Variants in PIK3CB observed in about 807,000 individuals in gnomAD.
PIK3CB encodes the protein phosphatidylinositol-4,5-bisphosphate 3-kinase catalytic subunit beta, also known as phosphatidylinositol 4,5-bisphosphate 3-kinase catalytic subunit beta isoform.
A neutral mutation model predicts 136.8 loss-of-function variants in PIK3CB; 39 were observed. That is an observed-to-expected ratio of 0.29 (90% confidence interval 0.22 to 0.37). The LOEUF (loss-of-function observed/expected upper bound fraction) is 0.37, where lower values mean the gene tolerates loss of function less well. Ranked by LOEUF, PIK3CB falls within the 10% of genes least tolerant of loss-of-function variation. The probability of loss-of-function intolerance (pLI) is 1.00; values close to 1 mark genes in which losing one functional copy is unlikely to be tolerated. For synonymous variants in PIK3CB, 428 were observed against 436.6 expected, an observed-to-expected ratio of 0.98 and a Z score of 0.25; for missense variants, 868 against 1,275.4, an observed-to-expected ratio of 0.68 and a Z score of 4.87.
rs540985326 is a variant in PIK3CB, at chr3:138,787,992, G to A, written c.-17+8471C>T. Reference sequence around the variant, plus strand: ...GGCTGGAGTATAGTGGTATGACCTCGGTTCAGTACAACTTCCGCCTCCCAG... The same window carrying A: ...GGCTGGAGTATAGTGGTATGACCTCAGTTCAGTACAACTTCCGCCTCCCAG... On this transcript the variant is annotated intron_variant, in intron 2 of 23. Transcript: ENST00000674063. Among the ~76,000 whole-genome samples, 12 of 150,196 alleles carry A rather than the reference G, an allele frequency of 8.0e-5. No individual in the cohort carries two copies. The East Asian group carries it at 1.6e-3, about 20-fold the overall frequency.
chr3:138,663,308 TC>T (rs1428180404), intron 21 of PIK3CB, among the ~76,000 whole-genome samples: 3 of 152,216 alleles, frequency 2.0e-5, no homozygotes, highest in Admixed American at 2.0e-4. Flanking sequence ...ATCCGCTCCT[TC>T]TGTTAGGTAC....
chr3:138,659,742 G>A (rs2043256149), intron 21 of PIK3CB, among the ~76,000 whole-genome samples: 1 of 151,748 alleles, frequency 6.6e-6, no homozygotes, highest in Non-Finnish European at 1.5e-5. Context: ...CAGGTACTTA[G>A]TAAGGGTGTT....
chr3:138,658,390 C>CA (rs2043228267), intron 21 of PIK3CB, among the ~76,000 whole-genome samples: 1 of 152,056 alleles, frequency 6.6e-6, no homozygotes, highest in East Asian at 1.9e-4. Context: ...GTCGAGGCTG[C>CA]AATGGGCCAT....
chr3:138,785,825 TAAA>T (rs1039124528), intron 2 of PIK3CB, among the ~76,000 whole-genome samples: 2 of 117,164 alleles, frequency 1.7e-5, no homozygotes, highest in Non-Finnish European at 1.8e-5. Context: ...AATAAATACT[TAAA>T]AAAAAAAAAA....
At chr3:138,708,749 A>G (rs1242144497) in intron 10 of PIK3CB, among the ~76,000 whole-genome samples, 1 of 151,954 alleles carries the variant, frequency 6.6e-6, no homozygotes. Flanking sequence ...ACCTGGCTCA[A>G]TTCTAATAAT....
chr3:138,683,351 C>CAA (rs1011302197), intron 18 of PIK3CB, among the ~76,000 whole-genome samples: 209 of 65,154 alleles, frequency 3.2e-3, no homozygotes, highest in African/African-American at 9.5e-3. Flanking sequence ...GACCCTGTCT[C>CAA]AAAAAAAAAA....
At chr3:138,767,220 C>T (rs1398968121) in intron 2 of PIK3CB, among the ~76,000 whole-genome samples, 1 of 152,090 alleles carries the variant, frequency 6.6e-6, no homozygotes, top group Non-Finnish European at 1.5e-5. Context: ...TTTTCAAATA[C>T]ATAGATATCT....
At chr3:138,710,326 T>C (rs1388487661) in intron 10 of PIK3CB, among the ~76,000 whole-genome samples, 1 of 152,110 alleles carries the variant, frequency 6.6e-6, no homozygotes, top group Non-Finnish European at 1.5e-5. Context: ...CACTATTAGA[T>C]TGCAAAGAGT....
chr3:138,826,173 T>C, intron 1 of PIK3CB: 1 of 1,122,968 alleles, frequency 8.9e-7, no homozygotes, highest in East Asian at 2.4e-5. Flanking sequence ...CAAGCCGATG[T>C]ATGTTGAGAG....
chr3:138,776,908 G>T (rs1306833007), intron 2 of PIK3CB, among the ~76,000 whole-genome samples: 1 of 127,070 alleles, frequency 7.9e-6, no homozygotes, highest in African/African-American at 3.3e-5. Flanking sequence ...TGGTGACAGA[G>T]TGAGACTCTA....
At chr3:138,807,397 G>A (rs137893384) in intron 1 of PIK3CB, among the ~76,000 whole-genome samples, 83 of 152,218 alleles carry the variant, frequency 5.5e-4, no homozygotes, top group African/African-American at 1.8e-3. Context: ...TTGTGCCACT[G>A]CACTCCAGCA....
intron 2 of PIK3CB, chr3:138,778,663 G>A (rs2045887913): frequency 4.9e-6 from 1 of 206,174 alleles, no homozygotes. Flanking sequence ...GGTTGTCTCT[G>A]CCAACTAACA....
At chr3:138,682,600 G>A (rs1378631726) in intron 18 of PIK3CB, among the ~76,000 whole-genome samples, 1 of 152,168 alleles carries the variant, frequency 6.6e-6, no homozygotes, top group East Asian at 1.9e-4. Flanking sequence ...GTAAGTAACT[G>A]CATCACGAGG....
chr3:138,753,059 C>CA (rs533473230), intron 4 of PIK3CB, among the ~76,000 whole-genome samples: 22 of 149,978 alleles, frequency 1.5e-4, no homozygotes, highest in Admixed American at 6.0e-4. Context: ...TCCATCTCTA[C>CA]AAAAAAAAAG....
intron 1 of PIK3CB, among the ~76,000 whole-genome samples, chr3:138,817,741 C>G (rs1933397470): frequency 6.6e-6 from 1 of 152,040 alleles, no homozygotes; most frequent in African/African-American, 2.4e-5. Context: ...AGCACTGGGC[C>G]AGAATGTATA....
rs1448170835 is a variant in PIK3CB, at chr3:138,779,279, G to T, written c.-17+17184C>A. ...TTTTTTGTATTTTTAGTAGAGACAG[G>T]GTTTCACCGTGTTAGCCAGGATGGT... On this transcript the variant is annotated intron_variant, in intron 2 of 23. Coordinates refer to ENST00000674063, the MANE Select transcript of PIK3CB (RefSeq NM_006219.3). Among the ~76,000 whole-genome samples, 28 of 151,364 alleles carry T rather than the reference G, an allele frequency of 1.8e-4. 1 individual carries two copies. Among genetic ancestry groups the T allele is most frequent in the African/African-American group, 5.8e-4 (24 of 41,290 alleles).
chr3:138,754,360 A>G (rs1252466464), intron 4 of PIK3CB, among the ~76,000 whole-genome samples: 1 of 151,850 alleles, frequency 6.6e-6, no homozygotes, highest in African/African-American at 2.4e-5. Flanking sequence ...ATCGCTTGCG[A>G]CTGAGGGTCG....
chr3:138,769,687 T>C (rs1576402985), intron 2 of PIK3CB, among the ~76,000 whole-genome samples: 1 of 152,184 alleles, frequency 6.6e-6, no homozygotes, highest in East Asian at 1.9e-4. Context: ...AACAAACCAA[T>C]TGGTTACCAA....
chr3:138,820,508 T>A (rs1933515282), intron 1 of PIK3CB, among the ~76,000 whole-genome samples: 1 of 152,168 alleles, frequency 6.6e-6, no homozygotes, highest in Non-Finnish European at 1.5e-5. Context: ...TGTTTGTTTG[T>A]TTTGAGATGG....
Sources: gnomAD v4.1 joint callset for allele counts (sites outside exome capture counted in the v4.1 genomes callset) on GRCh38, gnomAD v4.1.1 for gene constraint, MANE v1.5 for transcripts, NCBI Gene and HGNC (gene_info 2026-07-23, HGNC 2026-07-21) for gene names.